Variants in ARHGEF10 observed in about 807,000 individuals in gnomAD.
ARHGEF10 encodes the protein Rho guanine nucleotide exchange factor 10, also known as Rho guanine nucleotide exchange factor (GEF) 10.
ARHGEF10 carries 140 observed loss-of-function variants against 147.4 expected under a neutral mutation model. That is an observed-to-expected ratio of 0.95 (90% CI 0.83 to 1.09). The LOEUF (loss-of-function observed/expected upper bound fraction) is 1.09, where lower values mean the gene tolerates loss of function less well. ARHGEF10 is among the 50% of genes least tolerant of loss of function. ARHGEF10 has a pLI of 0.00. For missense variants in ARHGEF10, 2,222 were observed against 1,752.7 expected (o/e 1.27, Z -4.78); for synonymous variants, 902 against 695.8 (o/e 1.30, Z -4.67).
chr8:1,832,713 C>T (rs1434421592), intron 1 of ARHGEF10, among the ~76,000 whole-genome samples: 1 of 108,054 alleles, frequency 9.3e-6, no homozygotes, highest in Non-Finnish European at 1.9e-5. Context: ...GAGGCAGAGA[C>T]AGAGGCAGAG....
At chr8:1,862,218 G>A (rs1373232980) in intron 4 of ARHGEF10, among the ~76,000 whole-genome samples, 2 of 152,242 alleles carry the variant, frequency 1.3e-5, no homozygotes, top group East Asian at 3.9e-4. Flanking sequence ...TTGCTCTGGA[G>A]CCTCCCTGGG....
chr8:1,933,567 G>C (rs1203946367), intron 25 of ARHGEF10, among the ~76,000 whole-genome samples: 1 of 145,138 alleles, frequency 6.9e-6, no homozygotes, highest in African/African-American at 2.5e-5. Context: ...GCGGGTGGGG[G>C]GTCTTGAGGG....
chr8:1,861,812 C>T (rs374284017), intron 4 of ARHGEF10, among the ~76,000 whole-genome samples: 1 of 152,132 alleles, frequency 6.6e-6, no homozygotes, highest in Non-Finnish European at 1.5e-5. Context: ...TGAGAACCCC[C>T]TGGAAATGAG....
At chr8:1,873,612 C>T (rs1807358368) in intron 7 of ARHGEF10, among the ~76,000 whole-genome samples, 1 of 145,038 alleles carries the variant, frequency 6.9e-6, no homozygotes, top group Admixed American at 6.9e-5. Flanking sequence ...GAGAGGTGCC[C>T]GCGGGGTAGT....
Position 1,843,350 on chromosome 8 carries a change from C to G in ARHGEF10, c.-47-3C>G. 2 of 1,610,760 alleles carry G rather than the reference C, an allele frequency of 1.2e-6. No individual in the cohort carries two copies. Among genetic ancestry groups the G allele is most frequent in the Non-Finnish European group, 1.7e-6 (2 of 1,179,236 alleles). On this transcript the variant is annotated splice_region_variant and splice_polypyrimidine_tract_variant and intron_variant, in intron 1 of 28. Transcript: ENST00000349830. ...TGACAAGCAGTGTCTCTCCTTCTTG[C>G]AGGAGCTCCTTCCCTTAACAGAGCT...
In ARHGEF10 at chr8:1,893,791, T is replaced by C. The variant is rs1035543360; in HGVS notation, c.1260+145T>C. On this transcript the variant is annotated intron_variant, in intron 12 of 28. Transcript: ENST00000349830. ...AATTCTCAAAAGGATCTAAGTATTA[T>C]GTCTGTATATTGACATCAAAAGTCA... is the stretch of plus-strand genomic sequence containing the variant. The C allele has an allele frequency of 6.1e-6, 4 of 656,106 alleles. No homozygotes were observed. In the East Asian group the frequency reaches 1.1e-4, roughly 18 times the overall value. The allele number at this position is 656,106 out of a possible 1,614,324, so 40.6% of individuals were successfully genotyped here.
intron 1 of ARHGEF10, among the ~76,000 whole-genome samples, chr8:1,837,637 C>T (rs529579792): frequency 1.4e-4 from 22 of 152,116 alleles, no homozygotes; most frequent in Admixed American, 2.0e-4. Flanking sequence ...TGAACAGACG[C>T]GGCAGGCGTA....
In ARHGEF10 at chr8:1,928,511, G is replaced by T. The variant is rs531739517; in HGVS notation, c.2782G>T (p.Val928Leu). The change falls in exon 24 of 29, where the codon GTG (valine) becomes TTG (leucine). Residue 928 changes from valine to leucine, a missense_variant. Val to Leu is a conservative substitution (Grantham distance 32, BLOSUM62 1). Coordinates refer to ENST00000349830, the MANE Select transcript of ARHGEF10 (RefSeq NM_014629.4). ...STPKVIECFN[V>L]ESRILCMLYV... ...TCCCAAAGTCATTGAGTGCTTCAAC[G>T]TGGAATCTCGCATCCTGTGCATGCT... The T allele has an allele frequency of 4.3e-6, 7 of 1,614,194 alleles. No homozygotes were observed. The highest frequency in any genetic ancestry group is 5.9e-6 in the Non-Finnish European group (7 of 1,180,040).
intron 24 of ARHGEF10, among the ~76,000 whole-genome samples, chr8:1,928,918 T>A (rs1274572506): frequency 6.6e-6 from 1 of 152,220 alleles, no homozygotes; most frequent in Non-Finnish European, 1.5e-5. Context: ...AATGTCTCAT[T>A]TATATTAATG....
Position 1,928,465 on chromosome 8 carries a change from C to A in ARHGEF10, c.2736C>A (p.Ile912=). 6.2e-7 allele frequency: 1 copy of A among 1,612,364 alleles called. No individual in the cohort carries two copies. The highest frequency in any genetic ancestry group is 8.5e-7 in the Non-Finnish European group (1 of 1,179,132). The part of the protein sequence containing the change: ...SCTHQMGQIA[I]VSFQNSTPKV... ...CCCATCAAATGGGTCAGATTGCCAT[C>A]GTCTCGTTTCAAAATTCCACTCCCA... The change falls in exon 24 of 29, where the codon ATC becomes ATA. Residue 912 remains isoleucine, a synonymous_variant. Coordinates refer to ENST00000349830, the MANE Select transcript of ARHGEF10 (RefSeq NM_014629.4).
At chr8:1,895,961 A>G (rs2129160541) in intron 13 of ARHGEF10, among the ~76,000 whole-genome samples, 1 of 152,310 alleles carries the variant, frequency 6.6e-6, no homozygotes, top group East Asian at 1.9e-4. Flanking sequence ...TGGGCCCACC[A>G]TGGAATGAGT....
chr8:1,835,299 G>C (rs1023897780), intron 1 of ARHGEF10, among the ~76,000 whole-genome samples: 1 of 152,228 alleles, frequency 6.6e-6, no homozygotes, highest in African/African-American at 2.4e-5. Context: ...GCCTGTCCCT[G>C]CCCCAGGTGC....
At chr8:1,946,604 C>G (rs565095123) in intron 27 of ARHGEF10, among the ~76,000 whole-genome samples, 2 of 152,326 alleles carry the variant, frequency 1.3e-5, no homozygotes, top group Non-Finnish European at 2.9e-5. Context: ...TCATCTAACC[C>G]TAATCACGTC....
intron 1 of ARHGEF10, among the ~76,000 whole-genome samples, chr8:1,832,121 C>A (rs940835489): frequency 1.7e-4 from 26 of 152,152 alleles, no homozygotes; most frequent in Non-Finnish European, 3.4e-4. Context: ...TCCTGTGGCC[C>A]CGCTCTGCTG....
At chr8:1,938,339 C>G (rs1813791648) in intron 26 of ARHGEF10, among the ~76,000 whole-genome samples, 1 of 152,090 alleles carries the variant, frequency 6.6e-6, no homozygotes, top group East Asian at 1.9e-4. Flanking sequence ...TGCTTAGAGC[C>G]TTGAGTCACA....
chr8:1,901,031 G>A (rs1389550049), intron 15 of ARHGEF10, among the ~76,000 whole-genome samples: 4 of 152,140 alleles, frequency 2.6e-5, no homozygotes, highest in Admixed American at 6.5e-5. Context: ...GAGTGTTCTC[G>A]GAGGGGAGCA....
chr8:1,939,145 G>C (rs531153751), intron 26 of ARHGEF10, among the ~76,000 whole-genome samples: 79 of 152,314 alleles, frequency 5.2e-4, no homozygotes, highest in African/African-American at 1.8e-3. Flanking sequence ...GGAATCCATA[G>C]CCTGCTTTCT....
chr8:1,882,246 C>T (rs1411109648), intron 9 of ARHGEF10, among the ~76,000 whole-genome samples: 1 of 152,188 alleles, frequency 6.6e-6, no homozygotes, highest in East Asian at 1.9e-4. Context: ...GTGGGAAGCC[C>T]CGGGGAGGTT....
At chr8:1,864,461 C>T (rs1386338125) in intron 5 of ARHGEF10, 25 bp downstream of exon 5, 4 of 1,607,494 alleles carry the variant, frequency 2.5e-6, no homozygotes, top group South Asian at 1.1e-5. Context: ...CTTCCCACAC[C>T]TGCTGAATTC....
Sources: allele counts gnomAD v4.1 joint callset (sites outside exome capture counted in the v4.1 genomes callset), GRCh38; gene constraint gnomAD v4.1.1; transcripts MANE v1.5; gene names NCBI Gene and HGNC (gene_info 2026-07-23, HGNC 2026-07-21).